PRKAR1A: variants seen among roughly 807,000 people sequenced by gnomAD.
The protein encoded by PRKAR1A is protein kinase cAMP-dependent type I regulatory subunit alpha, also known as cAMP-dependent protein kinase type I-alpha regulatory subunit.
Under a neutral mutation model 52.0 loss-of-function variants are expected in PRKAR1A, and 3 were observed. That is an observed-to-expected ratio of 0.06 (90% confidence interval 0.03 to 0.15). PRKAR1A has a LOEUF of 0.15. PRKAR1A is among the 10% of genes least tolerant of loss of function. The pLI, the probability that PRKAR1A is intolerant of heterozygous loss-of-function variation, is 1.00. For missense variants in PRKAR1A, 240 were observed against 477.4 expected (o/e 0.50, Z 4.63); for synonymous variants, 188 against 168.4 (o/e 1.12, Z -0.90).
Position 68,529,015 on chromosome 17 carries a change from T to C in PRKAR1A, c.891+24T>C, listed in dbSNP as rs893318150. ...AGGTAAAGAACTCAGAATTTAATAC[T>C]TGAATTTTAGAGGTAAAGAACTCAG... On this transcript the variant is annotated intron_variant, in intron 9 of 10. Coordinates refer to ENST00000589228, the MANE Select transcript of PRKAR1A (RefSeq NM_002734.5). 3.1e-6 allele frequency: 5 copies of C among 1,613,130 alleles called. No homozygotes were observed. The African/African-American group carries it at 6.7e-5, about 22-fold the overall frequency.
At chr17:68,549,417 C>T (rs753074084) in intron 11 of PRKAR1A, among the ~76,000 whole-genome samples, 3 of 151,614 alleles carry the variant, frequency 2.0e-5, no homozygotes, top group Non-Finnish European at 2.9e-5. Context: ...TTGCTTGAAC[C>T]TGGGAGGCCG....
At chr17:68,464,675 G>A in the PRKAR1A span, among the ~76,000 whole-genome samples, 1 of 140,526 alleles carries the variant, frequency 7.1e-6, no homozygotes, top group East Asian at 2.0e-4. Context: ...GCGACAAAGC[G>A]AGACTCTGTC....
At position 68,550,653 on chromosome 17, in the gene PRKAR1A, T is replaced by G. The variant is rs145788273; in HGVS notation, c.974-431T>G. The stretch of plus-strand genomic sequence containing the variant: ...GCCTTGGCCTACCAAAGTACTGGGA[T>G]TACAGGTGTGAGCCATCGTGCCCAG... On this transcript the variant is annotated intron_variant, in intron 11 of 11. Coordinates refer to the PRKAR1A transcript ENST00000585981. 3.3e-4 allele frequency among the ~76,000 whole-genome samples: 51 copies of G among 152,254 alleles called. No homozygotes were observed. In the East Asian group the frequency reaches 9.5e-3, roughly 28 times the overall value.
the PRKAR1A span, among the ~76,000 whole-genome samples, chr17:68,487,149 G>A: frequency 6.6e-6 from 1 of 152,220 alleles, no homozygotes; most frequent in African/African-American, 2.4e-5. Context: ...AGGGATTACA[G>A]GCGTGAGCCA....
At chr17:68,517,902 G>C (rs1245844092) in intron 2 of PRKAR1A, among the ~76,000 whole-genome samples, 1 of 152,174 alleles carries the variant, frequency 6.6e-6, no homozygotes, top group Middle Eastern at 3.2e-3. Flanking sequence ...ACTTCCTGGG[G>C]TCATTGGGTA....
At chr17:68,431,275 T>C in the PRKAR1A span, among the ~76,000 whole-genome samples, 8 of 152,176 alleles carry the variant, frequency 5.3e-5, 1 homozygote, top group South Asian at 1.7e-3. Flanking sequence ...CCTTAACGTT[T>C]CCGTGTCCAG....
At chr17:68,492,529 A>G in the PRKAR1A span, among the ~76,000 whole-genome samples, 2 of 152,176 alleles carry the variant, frequency 1.3e-5, no homozygotes, top group Non-Finnish European at 2.9e-5. Context: ...AGAAAACTGT[A>G]CAGGGGTTGA....
chr17:68,426,512 A>C, the PRKAR1A span, among the ~76,000 whole-genome samples: 2 of 152,066 alleles, frequency 1.3e-5, no homozygotes, highest in African/African-American at 4.8e-5. Flanking sequence ...GGCTAGGACT[A>C]CAGGCTCTTT....
chr17:68,467,826 T>G, the PRKAR1A span, among the ~76,000 whole-genome samples: 5 of 152,196 alleles, frequency 3.3e-5, no homozygotes. Context: ...CTTCCAAACT[T>G]AGCTGCTTAG....
At chr17:68,451,225 G>A in the PRKAR1A span, among the ~76,000 whole-genome samples, 3 of 152,364 alleles carry the variant, frequency 2.0e-5, no homozygotes, top group Admixed American at 2.0e-4. Flanking sequence ...GAGGCCAGGA[G>A]TTCAAGACCA....
At chr17:68,505,308 A>C in the PRKAR1A span, among the ~76,000 whole-genome samples, 1 of 152,198 alleles carries the variant, frequency 6.6e-6, no homozygotes, top group South Asian at 2.1e-4. Flanking sequence ...ATATATGTAG[A>C]TAATAAAATA....
the PRKAR1A span, chr17:68,427,044 C>T: frequency 1.2e-5 from 13 of 1,064,548 alleles, no homozygotes; most frequent in South Asian, 9.6e-5. Flanking sequence ...CCCCAGGTAA[C>T]AGTGAAGGGG....
chr17:68,539,307 G>T, intron 11 of PRKAR1A: 1 of 1,612,078 alleles, frequency 6.2e-7, no homozygotes, highest in Non-Finnish European at 8.5e-7. Flanking sequence ...ACTGTTACTT[G>T]CCCGTATTAT....
the PRKAR1A span, among the ~76,000 whole-genome samples, chr17:68,465,366 C>T: frequency 6.6e-6 from 1 of 152,118 alleles, no homozygotes; most frequent in Non-Finnish European, 1.5e-5. Flanking sequence ...TGCTGGGAGC[C>T]TCCTTGGACT....
intron 11 of PRKAR1A, chr17:68,542,308 C>T (rs761790229): frequency 5.2e-6 from 5 of 968,178 alleles, no homozygotes; most frequent in African/African-American, 4.9e-5. Flanking sequence ...GAAACATTGA[C>T]TTTTCCAGAA....
chr17:68,533,858 G>T (rs550202185), downstream of PRKAR1A, among the ~76,000 whole-genome samples: 1 of 152,128 alleles, frequency 6.6e-6, no homozygotes, highest in South Asian at 2.1e-4. Context: ...CTCTGGAATA[G>T]CTGGGACTAC....
the PRKAR1A span, chr17:68,441,036 T>G: frequency 6.6e-6 from 1 of 152,222 alleles, no homozygotes; most frequent in East Asian, 1.9e-4. Flanking sequence ...TGTTCAATGA[T>G]CTGCATTGCT....
At chr17:68,541,638 C>G (rs74438872) in intron 11 of PRKAR1A, 2,321 of 213,260 alleles carry the variant, frequency 0.011, 56 homozygotes, top group African/African-American at 0.049. Flanking sequence ...ATGGGATTCT[C>G]GTGTGCTCCC....
At chr17:68,418,274 T>G in the PRKAR1A span, among the ~76,000 whole-genome samples, 1,365 of 152,296 alleles carry the variant, frequency 9.0e-3, 22 homozygotes, top group African/African-American at 0.031. Context: ...AAGCCTTAGT[T>G]TTACACTTTG....
Sources: gnomAD v4.1 joint callset for allele counts (sites outside exome capture counted in the v4.1 genomes callset) on GRCh38, gnomAD v4.1.1 for gene constraint, MANE v1.5 for transcripts, NCBI Gene and HGNC (gene_info 2026-07-23, HGNC 2026-07-21) for gene names.